VAC14: variants seen among roughly 807,000 people sequenced by gnomAD.
VAC14 encodes the protein protein VAC14 homolog.
A neutral mutation model predicts 85.3 loss-of-function variants in VAC14; 47 were observed. The observed-to-expected ratio is 0.55, with a 90% confidence interval of 0.44 to 0.70. The LOEUF is 0.70. VAC14 is among the 30% of genes least tolerant of loss of function. The pLI, the probability that VAC14 is intolerant of heterozygous loss-of-function variation, is 0.00. For synonymous variants in VAC14, 447 were observed against 430.5 expected (o/e 1.04, Z -0.47); for missense variants, 861 against 1,004.3 (o/e 0.86, Z 1.93).
intron 1 of VAC14, 118 bp downstream of exon 1, chr16:70,800,679 T>C (rs746992851): frequency 4.9e-5 from 39 of 794,804 alleles, no homozygotes; most frequent in Non-Finnish European, 7.6e-5. Flanking sequence ...AACACTGCGC[T>C]AAGGTAAGGG....
intron 14 of VAC14, among the ~76,000 whole-genome samples, chr16:70,722,260 C>T (rs1295374172): frequency 2.0e-5 from 3 of 152,216 alleles, no homozygotes; most frequent in Admixed American, 2.0e-4. Flanking sequence ...GACTCTTCCC[C>T]GGGCACTGCA....
intron 16 of VAC14, 114 bp downstream of exon 16, chr16:70,697,025 A>C: frequency 1.3e-6 from 1 of 777,738 alleles, no homozygotes; most frequent in Non-Finnish European, 2.2e-6. Flanking sequence ...GGCTGAGTGG[A>C]GGGGTGGGGA....
Position 70,800,890 on chromosome 16 carries a change from T to A in VAC14, c.11A>T (p.Glu4Val), listed in dbSNP as rs1397770450. The change falls in exon 1 of 19, where the codon GAG (glutamate) becomes GTG (valine). Residue 4 changes from glutamate to valine, a missense_variant. Physicochemically the swap from Glu to Val is moderately radical, Grantham distance 121. This residue lies in a region of VAC14 where 629 missense variants were observed against 703.1 expected (regional missense o/e 0.89). Transcript: ENST00000261776. MNP[E>V]KDFAPLTPNI... ...AGGCGTGAGCGGCGCGAAATCCTTCTCGGGGTTCATGGTGGCAGCTGGGGG... is the reference window on the plus strand; with the variant it reads ...AGGCGTGAGCGGCGCGAAATCCTTCACGGGGTTCATGGTGGCAGCTGGGGG... 6.3e-7 allele frequency: 1 copy of A among 1,597,080 alleles called. No homozygotes were observed. The highest frequency in any genetic ancestry group is 8.5e-7 in the Non-Finnish European group (1 of 1,171,504).
In VAC14 at chr16:70,789,428, TTC is replaced by T. The variant is rs1397784698; in HGVS notation, c.105-3065_105-3064del. Among the ~76,000 whole-genome samples the T allele has an allele frequency of 2.0e-5, 3 of 152,328 alleles. No individual in the cohort carries two copies. The East Asian group carries it at 5.8e-4, about 29-fold the overall frequency. On this transcript the variant is annotated intron_variant, in intron 1 of 18. Coordinates refer to ENST00000261776, the MANE Select transcript of VAC14 (RefSeq NM_018052.5). ...GGCAGCATCAGAGACTGGCTTCATA[TTC>T]TGTTAATCAACTTATATGCAAGGAG...
At chr16:70,705,286 C>T (rs2053899889) in intron 14 of VAC14, among the ~76,000 whole-genome samples, 1 of 152,178 alleles carries the variant, frequency 6.6e-6, no homozygotes, top group South Asian at 2.1e-4. Context: ...TGCATCTGAC[C>T]CGTGGTGGGG....
chr16:70,730,940 G>A (rs1471565267), intron 14 of VAC14, among the ~76,000 whole-genome samples: 1 of 152,202 alleles, frequency 6.6e-6, no homozygotes, highest in Non-Finnish European at 1.5e-5. Context: ...CAGGTTGAGG[G>A]TGACACTGGG....
chr16:70,784,275 C>G, intron 4 of VAC14, 55 bp from the exon 5 acceptor site: 2 of 1,466,916 alleles, frequency 1.4e-6, no homozygotes, highest in Non-Finnish European at 1.9e-6. Context: ...GCTGCCTGAC[C>G]TCGCTGAATC....
chr16:70,692,791 C>G, intron 18 of VAC14, 30 bp downstream of exon 18: 1 of 1,582,866 alleles, frequency 6.3e-7, no homozygotes, highest in Non-Finnish European at 8.6e-7. Context: ...GCTCAGGGGG[C>G]GGGGGCAGCA....
At chr16:70,737,396 GC>G (rs1365888740) in intron 13 of VAC14, among the ~76,000 whole-genome samples, 1 of 152,160 alleles carries the variant, frequency 6.6e-6, no homozygotes, top group Non-Finnish European at 1.5e-5. Flanking sequence ...GGAGAGGGGG[GC>G]CCACAACCCG....
intron 1 of VAC14, among the ~76,000 whole-genome samples, chr16:70,796,985 T>G (rs1046248917): frequency 7.2e-5 from 11 of 152,140 alleles, no homozygotes; most frequent in Non-Finnish European, 8.8e-5. Flanking sequence ...CCCAGCACTT[T>G]GGGAGGCTGC....
At chr16:70,697,093 C>T in intron 16 of VAC14, 46 bp downstream of exon 16, 1 of 1,537,682 alleles carries the variant, frequency 6.5e-7, no homozygotes, top group Non-Finnish European at 9.0e-7. Flanking sequence ...CGGCCCCTTC[C>T]TGCCCCTCAG....
At chr16:70,692,599 C>G (rs1166257614) in intron 18 of VAC14, among the ~76,000 whole-genome samples, 1 of 152,206 alleles carries the variant, frequency 6.6e-6, no homozygotes, top group Admixed American at 6.5e-5. Context: ...TCCCGGCCAC[C>G]GTGTGAGGGC....
At chr16:70,725,879 G>A (rs1245321008) in intron 14 of VAC14, among the ~76,000 whole-genome samples, 2 of 152,238 alleles carry the variant, frequency 1.3e-5, no homozygotes, top group African/African-American at 4.8e-5. Flanking sequence ...ATCAGGCCCT[G>A]GCATTCACCG....
chr16:70,777,249 A>G (rs1567596121), intron 9 of VAC14, among the ~76,000 whole-genome samples: 1 of 152,196 alleles, frequency 6.6e-6, no homozygotes, highest in African/African-American at 2.4e-5. Flanking sequence ...CCAGCCATAA[A>G]CATGTATTAA....
intron 13 of VAC14, among the ~76,000 whole-genome samples, chr16:70,738,488 T>C (rs757683476): frequency 4.6e-5 from 7 of 151,958 alleles, no homozygotes; most frequent in Admixed American, 3.3e-4. Flanking sequence ...GGAGAGGTCA[T>C]ATAGCAGTCT....
chr16:70,718,849 C>T (rs1567536115), intron 14 of VAC14, among the ~76,000 whole-genome samples: 1 of 152,150 alleles, frequency 6.6e-6, no homozygotes, highest in Non-Finnish European at 1.5e-5. Context: ...ATGTGGTGGC[C>T]GTGTCTCTGC....
At chr16:70,785,899 C>A (rs746124702) in intron 2 of VAC14, 30 bp from the exon 3 acceptor site, 2 of 1,587,626 alleles carry the variant, frequency 1.3e-6, no homozygotes, top group South Asian at 1.1e-5. Context: ...GAAGACAGAT[C>A]AGAATGGGTT....
intron 14 of VAC14, among the ~76,000 whole-genome samples, chr16:70,722,325 C>T (rs984088965): frequency 1.3e-5 from 2 of 152,174 alleles, no homozygotes; most frequent in East Asian, 1.9e-4. Flanking sequence ...TGCCATGGGT[C>T]CCCCAGGCCA....
chr16:70,692,491 C>T (rs935876045), intron 18 of VAC14, among the ~76,000 whole-genome samples: 3 of 152,180 alleles, frequency 2.0e-5, no homozygotes, highest in Non-Finnish European at 4.4e-5. Flanking sequence ...TGTTTCTCTC[C>T]AGGGTCCTCT....
Sources: allele counts gnomAD v4.1 joint callset (sites outside exome capture counted in the v4.1 genomes callset), GRCh38; gene constraint gnomAD v4.1.1; regional missense constraint gnomAD v4.1.1; transcripts MANE v1.5; gene names NCBI Gene and HGNC (gene_info 2026-07-23, HGNC 2026-07-21).